Variants in CENPP observed in about 807,000 individuals in gnomAD.
CENPP encodes the protein centromere protein P.
Under a neutral mutation model 35.6 loss-of-function variants are expected in CENPP, and 24 were observed. The ratio of observed to expected loss-of-function variants is 0.67; its 90% CI spans 0.49 to 0.95. The LOEUF is 0.95. Among genes scored for constraint, CENPP ranks in the 40% least tolerant of loss-of-function variants. The pLI is 0.00. For synonymous variants in CENPP, 120 were observed against 125.5 expected (o/e 0.96, Z 0.29); for missense variants, 332 against 345.3 (o/e 0.96, Z 0.31).
At chr9:92,369,921 T>C (rs1841971188) in intron 4 of CENPP, among the ~76,000 whole-genome samples, 1 of 152,234 alleles carries the variant, frequency 6.6e-6, no homozygotes, top group African/African-American at 2.4e-5. Context: ...GGCTTTCAAC[T>C]TTCCCCTGTT....
chr9:92,536,571 G>A (rs1849175445), intron 5 of CENPP: 1 of 152,772 alleles, frequency 6.5e-6, no homozygotes, highest in Non-Finnish European at 1.5e-5. Flanking sequence ...GAAAGAAAAT[G>A]TGAAAGGGAG....
chr9:92,564,863 A>C (rs1317269959), intron 5 of CENPP, among the ~76,000 whole-genome samples: 1 of 152,212 alleles, frequency 6.6e-6, no homozygotes, highest in African/African-American at 2.4e-5. Flanking sequence ...TAGACTCTTT[A>C]TGTAGGTCAT....
chr9:92,500,798 T>C, intron 5 of CENPP: 1 of 1,614,242 alleles, frequency 6.2e-7, no homozygotes. Flanking sequence ...GTATAGATTT[T>C]AAGTCATTGT....
chr9:92,530,314 T>G (rs970122743), intron 5 of CENPP, among the ~76,000 whole-genome samples: 7 of 152,174 alleles, frequency 4.6e-5, no homozygotes, highest in African/African-American at 1.2e-4. Flanking sequence ...CAGCATAGAT[T>G]TATCCATGGT....
rs1293123546 is a variant in CENPP at position 92,614,060 on chromosome 9, CTG to C, written c.*913_*914del. The C allele has an allele frequency of 6.6e-6, 1 of 152,294 alleles. No individual in the cohort carries two copies. The highest frequency in any genetic ancestry group is 1.5e-5 in the Non-Finnish European group (1 of 68,106). The allele number at this position is 152,294 out of a possible 1,614,324, so 9.4% of individuals were successfully genotyped here. On this transcript the variant is annotated 3_prime_UTR_variant, in exon 8 of 8. Transcript: ENST00000375587. The stretch of plus-strand genomic sequence containing the variant: ...GACCAGACAGAGTGGGGGTCTCCAT[CTG>C]TTTTCTCTTCTCCCTCAAATACAGG...
At position 92,540,089 on chromosome 9, in the gene CENPP, A is replaced by G. The variant is rs572262205; in HGVS notation, c.565-71225A>G. 3.5e-4 allele frequency among the ~76,000 whole-genome samples: 54 copies of G among 152,356 alleles called. No homozygotes were observed. The East Asian group carries it at 5.0e-3, about 14-fold the overall frequency. ...TTTTAAAGTGCACAGTTAAAATTTC[A>G]GTTTTCTATATCCAATACTGATAGT... On this transcript the variant is annotated intron_variant, in intron 5 of 7. Transcript: ENST00000375587.
At chr9:92,570,272 G>C (rs1182553736) in intron 5 of CENPP, among the ~76,000 whole-genome samples, 1 of 152,144 alleles carries the variant, frequency 6.6e-6, no homozygotes, top group Non-Finnish European at 1.5e-5. Context: ...AGTCTATTGA[G>C]AGTTTTTGGC....
At position 92,532,034 on chromosome 9, in the gene CENPP, A is replaced by AT. The variant is rs58499748; in HGVS notation, c.565-79270dup. On this transcript the variant is annotated intron_variant, in intron 5 of 7. Transcript: ENST00000375587. ...TTTAATGTTTTTTTTTTTTTATTTT[A>AT]TTTTTTTTTTGAGATGAGGTCTCAC... 3.4e-4 allele frequency among the ~76,000 whole-genome samples: 33 copies of AT among 98,258 alleles called. 2 individuals carry two copies. The South Asian group carries it at 3.5e-3, about 10-fold the overall frequency. The allele number at this position is 98,258 out of a possible 152,430, so 64.5% of individuals were successfully genotyped here.
Position 92,533,303 on chromosome 9 carries a change from CAAAAAAAAA to C in CENPP, c.565-77993_565-77985del, listed in dbSNP as rs1174584000. On this transcript the variant is annotated intron_variant, in intron 5 of 7. Transcript: ENST00000375587. Reference sequence around the variant, plus strand: ...CGATAGAGTGAGACTCGGTCTCAAACAAAAAAAAAAAAAAAAAAAAAAAAAATATATATA... The same window carrying C: ...CGATAGAGTGAGACTCGGTCTCAAACAAAAAAAAAAAAAAAAATATATATA... Among the ~76,000 whole-genome samples, 90 of 29,876 alleles carry C rather than the reference CAAAAAAAAA, an allele frequency of 3.0e-3. 1 individual carries two copies. The highest frequency in any genetic ancestry group is 0.011 in the African/African-American group (81 of 7,316). The allele number at this position is 29,876 out of a possible 152,430, so 19.6% of individuals were successfully genotyped here. A position where few individuals can be genotyped will look rare whatever the true frequency, so the allele number is the denominator to read the frequency against.
In CENPP at chr9:92,379,841, C is replaced by A; in HGVS notation, c.546C>A (p.Arg182=). The change falls in exon 5 of 8, where the codon CGC becomes CGA. Residue 182 remains arginine, a synonymous_variant. Transcript: ENST00000375587. The part of the protein sequence containing the change: ...FFVEWFEYRK[R]TFKHLKEKYP... Reference sequence around the variant, plus strand: ...TGGAGTGGTTTGAATATCGTAAGCGCACGTTTAAACATCTCAAGGTAAAGT... The same window carrying A: ...TGGAGTGGTTTGAATATCGTAAGCGAACGTTTAAACATCTCAAGGTAAAGT... The A allele has an allele frequency of 6.2e-7, 1 of 1,608,576 alleles. No individual in the cohort carries two copies. The highest frequency in any genetic ancestry group is 8.5e-7 in the Non-Finnish European group (1 of 1,175,086).
intron 5 of CENPP, among the ~76,000 whole-genome samples, chr9:92,516,423 T>C (rs1490333224): frequency 6.6e-6 from 1 of 152,156 alleles, no homozygotes. Flanking sequence ...TGCCTACTTT[T>C]ATTTAACACT....
chr9:92,378,591 C>T (rs542765460), intron 4 of CENPP, among the ~76,000 whole-genome samples: 4 of 152,184 alleles, frequency 2.6e-5, no homozygotes, highest in East Asian at 3.9e-4. Flanking sequence ...TTATAGTTAA[C>T]GGAAGCATTG....
intron 5 of CENPP, among the ~76,000 whole-genome samples, chr9:92,574,096 A>G (rs1850220938): frequency 6.6e-6 from 1 of 152,094 alleles, no homozygotes; most frequent in Non-Finnish European, 1.5e-5. Context: ...CCACTGTCCG[A>G]CAAGCCCTAG....
intron 2 of CENPP, 98 bp from the exon 3 acceptor site, chr9:92,337,443 T>A: frequency 1.4e-6 from 1 of 714,960 alleles, no homozygotes; most frequent in South Asian, 1.7e-5. Flanking sequence ...TTCACACATA[T>A]ACCCACATGT....
intron 5 of CENPP, chr9:92,522,717 G>T (rs199523075): frequency 6.2e-7 from 1 of 1,614,158 alleles, no homozygotes; most frequent in East Asian, 2.2e-5. Flanking sequence ...CAAGCTGTCT[G>T]TTTGATCTGT....
intron 5 of CENPP, among the ~76,000 whole-genome samples, chr9:92,503,152 G>T (rs1247367220): frequency 6.6e-6 from 1 of 152,074 alleles, no homozygotes; most frequent in Admixed American, 6.6e-5. Context: ...GGAATCAAAT[G>T]AATTTTATTT....
intron 5 of CENPP, among the ~76,000 whole-genome samples, chr9:92,492,461 G>C (rs1846198978): frequency 6.6e-6 from 1 of 152,156 alleles, no homozygotes; most frequent in South Asian, 2.1e-4. Context: ...CAACATTGTG[G>C]GTAGTTTCTT....
At chr9:92,379,160 A>G (rs80330029) in intron 4 of CENPP, among the ~76,000 whole-genome samples, 51 of 152,358 alleles carry the variant, frequency 3.3e-4, no homozygotes, top group African/African-American at 1.2e-3. Context: ...GAAGTAATGC[A>G]TAGACGAAGG....
rs1851375823 is a variant in CENPP at position 92,614,668 on chromosome 9, A to G, written c.*1519A>G. 1 of 152,642 alleles carries G rather than the reference A, an allele frequency of 6.6e-6. No individual in the cohort carries two copies. The highest frequency in any genetic ancestry group is 1.5e-5 in the Non-Finnish European group (1 of 68,036). 9.5% of individuals were successfully genotyped at this position (152,642 alleles called of 1,614,324 possible). A position where few individuals can be genotyped will look rare whatever the true frequency, so the allele number is the denominator to read the frequency against. ...TCATGTATCATTTTCATATAATTCC[A>G]TGGTTTCACTAATATTATATGTTAC... On this transcript the variant is annotated 3_prime_UTR_variant, in exon 8 of 8. Coordinates refer to ENST00000375587, the MANE Select transcript of CENPP (RefSeq NM_001012267.3).
Sources: gnomAD v4.1 joint callset for allele counts (sites outside exome capture counted in the v4.1 genomes callset) on GRCh38, gnomAD v4.1.1 for gene constraint, MANE v1.5 for transcripts, NCBI Gene and HGNC (gene_info 2026-07-23, HGNC 2026-07-21) for gene names.